NUCB2: variants seen among roughly 807,000 people sequenced by gnomAD.
NUCB2 encodes nucleobindin-2.
Under a neutral mutation model 57.9 loss-of-function variants are expected in NUCB2, and 48 were observed. The ratio of observed to expected loss-of-function variants is 0.83; its 90% confidence interval spans 0.66 to 1.05. NUCB2 has a LOEUF of 1.05. Among genes scored for constraint, NUCB2 ranks in the 50% least tolerant of loss-of-function variants. The pLI, the probability that NUCB2 is intolerant of heterozygous loss-of-function variation, is 0.00. For missense variants in NUCB2, 442 were observed against 476.2 expected (o/e 0.93, Z 0.67); for synonymous variants, 139 against 152.1 (o/e 0.91, Z 0.64).
chr11:17,348,104 TA>T (rs1952892384), intron 2 of NUCB2, among the ~76,000 whole-genome samples: 1 of 152,116 alleles, frequency 6.6e-6, no homozygotes, highest in Non-Finnish European at 1.5e-5. Flanking sequence ...TTTTTACTTT[TA>T]TTTTTTAGAA....
intron 2 of NUCB2, among the ~76,000 whole-genome samples, chr11:17,290,346 A>G (rs1944712167): frequency 6.6e-6 from 1 of 152,214 alleles, no homozygotes; most frequent in South Asian, 2.1e-4. Context: ...AACTATAATA[A>G]AGTTCATGCA....
Position 17,330,016 on chromosome 11 carries a change from G to T in NUCB2, c.1003-111G>T, listed in dbSNP as rs1951187862. The T allele has an allele frequency of 1.9e-6, 1 of 520,518 alleles. No individual in the cohort carries two copies. The highest frequency in any genetic ancestry group is 3.7e-5 in the Admixed American group (1 of 27,094). 32.2% of individuals were successfully genotyped at this position (520,518 alleles called of 1,614,324 possible). A position where few individuals can be genotyped will look rare whatever the true frequency, so the allele number is the denominator to read the frequency against. ...CCCCTTCCTTCTTACCTCCAAAGGC[G>T]TAATCCTATAGATACTCTTTTATAC... On this transcript the variant is annotated intron_variant, in intron 11 of 13. Transcript: ENST00000529010. The surrounding 1 kb of genome is among the most constrained non-coding windows in gnomAD (Gnocchi z 4.3).
At position 17,348,319 on chromosome 11, in the gene NUCB2, G is replaced by GGTTT. The variant is rs1952917777; in HGVS notation, n.2627-1026_2627-1025insGTTT. Among the ~76,000 whole-genome samples, 13 of 84,468 alleles carry GGTTT rather than the reference G, an allele frequency of 1.5e-4. 2 individuals carry two copies. Among genetic ancestry groups the GGTTT allele is most frequent in the African/African-American group, 6.0e-4 (12 of 20,066 alleles). 55.4% of individuals were successfully genotyped at this position (84,468 alleles called of 152,430 possible). On this transcript the variant is annotated intron_variant and non_coding_transcript_variant, in intron 2 of 2. Transcript: ENST00000532240. ...TGAGGTGTTTTTTGTTTGTTTTTGT[G>GGTTT]TTTTTTTTTTTTTTTTTTTTTTTTT...
chr11:17,332,484 G>A (rs1951493309), downstream of NUCB2: 1 of 149,988 alleles, frequency 6.7e-6, no homozygotes, highest in Non-Finnish European at 1.5e-5. Flanking sequence ...CCTAAATTCT[G>A]TGTACCTTCT....
At chr11:17,322,956 G>C (rs1950207749) in intron 11 of NUCB2, among the ~76,000 whole-genome samples, 2 of 151,672 alleles carry the variant, frequency 1.3e-5, no homozygotes, top group Non-Finnish European at 2.9e-5. Flanking sequence ...TAAATTTATC[G>C]GTTCTAATAG....
chr11:17,315,580 C>A, intron 11 of NUCB2, 105 bp downstream of exon 11: 1 of 531,072 alleles, frequency 1.9e-6, no homozygotes, highest in Non-Finnish European at 3.3e-6. Flanking sequence ...TATAGTCTTA[C>A]TATCTTGGGA....
In NUCB2 at chr11:17,288,882, TACACACACACACACACACACACAC is replaced by T. The variant is rs1167995024; in HGVS notation, c.-1+5985_-1+6008del. Among the ~76,000 whole-genome samples the T allele has an allele frequency of 9.0e-3, 401 of 44,672 alleles. 36 individuals are homozygous for T. The East Asian group carries it at 0.093, about 10-fold the overall frequency. 29.3% of individuals were successfully genotyped at this position (44,672 alleles called of 152,430 possible). On this transcript the variant is annotated intron_variant, in intron 2 of 13. Transcript: ENST00000529010. ...TAAAGTCTATTTAATAACATGTATA[TACACACACACACACACACACACAC>T]ACACACACACACACACACACACACA...
Position 17,279,303 on chromosome 11 carries a change from G to A in NUCB2, c.-156+2475G>A, listed in dbSNP as rs144524189. 5.0e-3 allele frequency among the ~76,000 whole-genome samples: 765 copies of A among 152,256 alleles called. 5 individuals carry two copies. Among genetic ancestry groups the A allele is most frequent in the African/African-American group, 0.016 (667 of 41,542 alleles). ...AAAATTTTTTTTACAACCATGATGTGGTGAAAAGTATACTTAGTTAGAATT... is the reference window on the plus strand; with the variant it reads ...AAAATTTTTTTTACAACCATGATGTAGTGAAAAGTATACTTAGTTAGAATT... On this transcript the variant is annotated intron_variant, in intron 1 of 13. Transcript: ENST00000529010.
At chr11:17,345,104 T>A (rs1048738667) in intron 2 of NUCB2, among the ~76,000 whole-genome samples, 5 of 152,184 alleles carry the variant, frequency 3.3e-5, no homozygotes, top group Non-Finnish European at 5.9e-5. Context: ...TATTTTTGGA[T>A]GGAAAATGTG....
intron 11 of NUCB2, among the ~76,000 whole-genome samples, chr11:17,316,647 C>T (rs187611705): frequency 1.3e-5 from 2 of 151,930 alleles, no homozygotes; most frequent in East Asian, 3.9e-4. Context: ...GCAAACTGCT[C>T]GAGAAAAGTA....
Position 17,309,642 on chromosome 11 carries a change from T to G in NUCB2, c.450T>G (p.Phe150Leu), listed in dbSNP as rs1948190214. Reference protein sequence around the residue: ...DHLNHLNPDKFESTDLDMLIK... With the variant: ...DHLNHLNPDKLESTDLDMLIK... ...TAAACCACCTGAATCCTGACAAGTT[T>G]GAATCCACAGATTTAGATATGCTAA... The change falls in exon 6 of 14, where the codon TTT becomes TTG. Residue 150 changes from phenylalanine (F) to leucine (L), a missense_variant. By Grantham distance (22) the Phe-to-Leu change is conservative (BLOSUM62 0). Coordinates refer to ENST00000529010, the MANE Select transcript of NUCB2 (RefSeq NM_005013.4). 5 of 1,607,372 alleles carry G rather than the reference T, an allele frequency of 3.1e-6. No homozygotes were observed. Among genetic ancestry groups the G allele is most frequent in the Non-Finnish European group, 3.4e-6 (4 of 1,177,654 alleles).
Position 17,314,998 on chromosome 11 carries a change from G to A in NUCB2, c.913-388G>A, listed in dbSNP as rs371472453. On this transcript the variant is annotated intron_variant, in intron 10 of 13. Coordinates refer to ENST00000529010, the MANE Select transcript of NUCB2 (RefSeq NM_005013.4). Reference sequence around the variant, plus strand: ...ACCTCCTTTACTCTTGGCTAAAACCGTCCTCTTTCTGGAATGGTTCTTTTT... The same window carrying A: ...ACCTCCTTTACTCTTGGCTAAAACCATCCTCTTTCTGGAATGGTTCTTTTT... Among the ~76,000 whole-genome samples the A allele has an allele frequency of 3.7e-4, 57 of 152,222 alleles. 1 individual carries two copies. In the South Asian group the frequency reaches 0.011, roughly 28 times the overall value.
Position 17,330,164 on chromosome 11 carries a change from TA to T in NUCB2, c.1044del (p.Glu349AsnfsTer66). The T allele has an allele frequency of 6.4e-7, 1 of 1,574,778 alleles. No homozygotes were observed. Among genetic ancestry groups the T allele is most frequent in the Non-Finnish European group, 8.7e-7 (1 of 1,150,304 alleles). Reference sequence around the variant, plus strand: ...CAACAGTTCTTCACAGAGGAAGAACTAAAAGAATATGAAAATATTATTGCTT... The same window carrying T: ...CAACAGTTCTTCACAGAGGAAGAACTAAAGAATATGAAAATATTATTGCTT... ...DQQQFFTEEE[L>X]KEYENIIALQ... On this transcript the variant is annotated frameshift_variant, in exon 12 of 14. Transcript: ENST00000529010. LOFTEE classifies it high-confidence loss of function. The surrounding 1 kb of genome is among the most constrained non-coding windows in gnomAD (Gnocchi z 4.3).
Position 17,311,231 on chromosome 11 carries a change from T to G in NUCB2, c.708T>G (p.Thr236=). 1 of 1,610,736 alleles carries G rather than the reference T, an allele frequency of 6.2e-7. No individual in the cohort carries two copies. The highest frequency in any genetic ancestry group is 2.2e-5 in the East Asian group (1 of 44,752). ...AACTAAAAGAGGTATGGGAAGAGACTGATGGATTGGATCCTAATGACTTTG... is the reference window on the plus strand; with the variant it reads ...AACTAAAAGAGGTATGGGAAGAGACGGATGGATTGGATCCTAATGACTTTG... ...KDQLKEVWEE[T]DGLDPNDFDP... The change falls in exon 8 of 14, where the codon ACT becomes ACG. Residue 236 remains threonine (T), a synonymous_variant. Transcript: ENST00000529010.
chr11:17,344,900 A>G (rs1299879742), intron 2 of NUCB2, among the ~76,000 whole-genome samples: 2 of 152,158 alleles, frequency 1.3e-5, no homozygotes, highest in East Asian at 3.8e-4. Flanking sequence ...AGAATGGAAG[A>G]GCTCTGGAGG....
intron 4 of NUCB2, among the ~76,000 whole-genome samples, chr11:17,297,477 G>A (rs989733823): frequency 2.0e-5 from 3 of 152,140 alleles, no homozygotes; most frequent in African/African-American, 7.2e-5. Context: ...TAATTCCCCG[G>A]AATTGTCTTT....
intron 2 of NUCB2, among the ~76,000 whole-genome samples, chr11:17,291,879 T>A (rs1030572474): frequency 2.0e-5 from 3 of 152,206 alleles, no homozygotes; most frequent in Non-Finnish European, 4.4e-5. Flanking sequence ...TGTTAATCTT[T>A]GTATCTCAGC....
At chr11:17,307,882 G>A (rs1947932033) in intron 5 of NUCB2, among the ~76,000 whole-genome samples, 1 of 152,152 alleles carries the variant, frequency 6.6e-6, no homozygotes, top group South Asian at 2.1e-4. Context: ...ATACCCGCCA[G>A]CAATAATTCC....
chr11:17,330,823 C>A lies in NUCB2; in HGVS notation c.1174-79C>A. On this transcript the variant is annotated intron_variant, in intron 12 of 13. Transcript: ENST00000529010. The surrounding 1 kb of genome is among the most constrained non-coding windows in gnomAD (Gnocchi z 4.3). Reference sequence around the variant, plus strand: ...TGTTTTAGAAAACAATTTTCATTTACTTTGTTGTGCTTTGTCAAAGGTCAC... The same window carrying A: ...TGTTTTAGAAAACAATTTTCATTTAATTTGTTGTGCTTTGTCAAAGGTCAC... The A allele has an allele frequency of 1.2e-6, 1 of 858,266 alleles. No individual in the cohort carries two copies. Among genetic ancestry groups the A allele is most frequent in the Non-Finnish European group, 1.9e-6 (1 of 512,884 alleles). The allele number at this position is 858,266 out of a possible 1,614,324, so 53.2% of individuals were successfully genotyped here. A position where few individuals can be genotyped will look rare whatever the true frequency, so the allele number is the denominator to read the frequency against.
Sources: allele counts gnomAD v4.1 joint callset (sites outside exome capture counted in the v4.1 genomes callset), GRCh38; gene constraint gnomAD v4.1.1; non-coding constraint Gnocchi (gnomAD v3.1); transcripts MANE v1.5; gene names NCBI Gene and HGNC (gene_info 2026-07-23, HGNC 2026-07-21).